Variants in AP1M2 observed in about 807,000 individuals in gnomAD.
AP1M2 encodes adaptor related protein complex 1 subunit mu 2.
Under a neutral mutation model 54.6 loss-of-function variants are expected in AP1M2, and 41 were observed. The ratio of observed to expected loss-of-function variants is 0.75; its 90% CI spans 0.59 to 0.97. The LOEUF (loss-of-function observed/expected upper bound fraction) is 0.97. Among genes scored for constraint, AP1M2 ranks in the 50% least tolerant of loss-of-function variants. The pLI, the probability that AP1M2 is intolerant of heterozygous loss-of-function variation, is 0.00. For synonymous variants in AP1M2, 219 were observed against 215.9 expected (o/e 1.01, Z -0.13); for missense variants, 507 against 561.2 (o/e 0.90, Z 0.98).
rs1241106278 is a variant in AP1M2, at chr19:10,581,286, A to C, written c.653T>G (p.Val218Gly). 6 of 1,613,564 alleles carry C rather than the reference A, an allele frequency of 3.7e-6. No individual in the cohort carries two copies. In the East Asian group the frequency reaches 1.1e-4, roughly 30 times the overall value. ...CTTACGGCCAGTGAGCTCGAAGAGC[A>C]CGCGGTCATTGAGGCCCAGCCGCAG... is the stretch of plus-strand genomic sequence containing the variant. ...PELRLGLNDR[V>G]LFELTGRSKN... Residue 218 changes from valine to glycine, a missense_variant, in exon 6 of 12, where the codon GTG (valine) becomes GGG (glycine). Physicochemically the swap from Val to Gly is moderately radical, Grantham distance 109 (BLOSUM62 -3). Transcript: ENST00000250244.
At chr19:10,578,364 C>T (rs1258838800) in intron 8 of AP1M2, among the ~76,000 whole-genome samples, 1 of 152,010 alleles carries the variant, frequency 6.6e-6, no homozygotes, top group Non-Finnish European at 1.5e-5. Flanking sequence ...AGCCTGTAAT[C>T]CCAGCTGCTC....
At chr19:10,581,939 C>T (rs1917477388) in intron 3 of AP1M2, 61 bp from the exon 4 acceptor site, 2 of 1,498,630 alleles carry the variant, frequency 1.3e-6, no homozygotes, top group African/African-American at 2.8e-5. Flanking sequence ...CATAGTAGCT[C>T]ATGCCTGTAA....
At chr19:10,581,924 T>C (rs746000333) in intron 3 of AP1M2, 46 bp from the exon 4 acceptor site, 15 of 1,524,012 alleles carry the variant, frequency 9.8e-6, no homozygotes, top group Non-Finnish European at 1.3e-5. Flanking sequence ...TGGCTATGGG[T>C]TGGGCATAGT....
chr19:10,572,959 G>T lies in AP1M2; in HGVS notation c.*107C>A. The T allele has an allele frequency of 8.2e-7, 1 of 1,217,372 alleles. No homozygotes were observed. The allele number at this position is 1,217,372 out of a possible 1,614,324, so 75.4% of individuals were successfully genotyped here. A position where few individuals can be genotyped will look rare whatever the true frequency, so the allele number is the denominator to read the frequency against. On this transcript the variant is annotated 3_prime_UTR_variant, in exon 12 of 12. Transcript: ENST00000250244. ...GGGAGCAAGAAACTGCCAAGTCCAG[G>T]ACCTGCCCTCACACAGACACACACA...
intron 9 of AP1M2, among the ~76,000 whole-genome samples, chr19:10,576,552 G>C (rs150716888): frequency 2.0e-5 from 3 of 151,484 alleles, no homozygotes; most frequent in Non-Finnish European, 4.4e-5. Context: ...GTGAGCCACC[G>C]TGCCCTGCCC....
At chr19:10,577,151 T>A in intron 9 of AP1M2, 47 bp downstream of exon 9, 1 of 1,561,554 alleles carries the variant, frequency 6.4e-7, no homozygotes, top group Non-Finnish European at 8.7e-7. Flanking sequence ...CCCACACTAC[T>A]CCAGTCCCCT....
chr19:10,573,657 T>G (rs1198432565), intron 11 of AP1M2, among the ~76,000 whole-genome samples: 1 of 140,268 alleles, frequency 7.1e-6, no homozygotes, highest in East Asian at 2.3e-4. Flanking sequence ...CTGCTTTTTT[T>G]TCCTTTTTTT....
intron 4 of AP1M2, 21 bp from the exon 5 acceptor site, chr19:10,581,655 A>T (rs1431431875): frequency 6.2e-7 from 1 of 1,613,438 alleles, no homozygotes; most frequent in Admixed American, 1.7e-5. Context: ...GGCGGCAGGG[A>T]CAAGCAGCTG....
chr19:10,585,407 A>G (rs1338010917), intron 1 of AP1M2, among the ~76,000 whole-genome samples: 3 of 152,138 alleles, frequency 2.0e-5, no homozygotes, highest in Admixed American at 1.3e-4. Context: ...CCATAATAGT[A>G]AACACTTCTG....
At position 10,574,430 on chromosome 19, in the gene AP1M2, G is replaced by T; in HGVS notation, c.1236C>A (p.Ile412=). 6.4e-7 allele frequency: 1 copy of T among 1,558,534 alleles called. No individual in the cohort carries two copies. Among genetic ancestry groups the T allele is most frequent in the East Asian group, 2.4e-5 (1 of 41,836 alleles). ...GYQALPWVRY[I]TQSGDYQLRT... Reference sequence around the variant, plus strand: ...GGGCTGCCTTACCGCCACTCTGGGTGATGTAGCGAACCCAGGGCAGGGCCT... The same window carrying T: ...GGGCTGCCTTACCGCCACTCTGGGTTATGTAGCGAACCCAGGGCAGGGCCT... The change falls in exon 11 of 12, where the codon ATC becomes ATA. Residue 412 remains isoleucine, a synonymous_variant. Coordinates refer to ENST00000250244, the MANE Select transcript of AP1M2 (RefSeq NM_005498.5).
chr19:10,573,288 G>A (rs1917117428), intron 11 of AP1M2, among the ~76,000 whole-genome samples, 200 bp from the exon 12 acceptor site: 1 of 152,018 alleles, frequency 6.6e-6, no homozygotes, highest in African/African-American at 2.4e-5. Context: ...GTATGATGGT[G>A]CACACCTGTA....
chr19:10,575,054 T>C, intron 9 of AP1M2, 25 bp from the exon 10 acceptor site: 1 of 1,458,392 alleles, frequency 6.9e-7, no homozygotes, highest in Non-Finnish European at 9.1e-7. Flanking sequence ...GGGCATCAGG[T>C]ACACGAGGGT....
intron 10 of AP1M2, 92 bp downstream of exon 10, chr19:10,574,812 G>A: frequency 6.9e-7 from 1 of 1,450,498 alleles, no homozygotes; most frequent in African/African-American, 1.4e-5. Flanking sequence ...GTTGACACAG[G>A]CCAGGGGACT....
In AP1M2 at chr19:10,583,903, G is replaced by A; in HGVS notation, c.199+11C>T. On this transcript the variant is annotated intron_variant, in intron 2 of 11. Coordinates refer to ENST00000250244, the MANE Select transcript of AP1M2 (RefSeq NM_005498.5). ...ACACCCACCTCCAGGGACACCACGT[G>A]GGGTGGATACAGTAGAGGTTGCTGT... is the stretch of plus-strand genomic sequence containing the variant. The A allele has an allele frequency of 6.3e-7, 1 of 1,590,542 alleles. No homozygotes were observed. Among genetic ancestry groups the A allele is most frequent in the South Asian group, 1.1e-5 (1 of 87,882 alleles).
rs201295124 is a variant in AP1M2 at position 10,574,496 on chromosome 19, G to C, written c.1174-4C>G. ...CAATGATCTTCATGTATCGGACCTG[G>C]AAGGGAATGAAAAGAGGTGGTCCAG... On this transcript the variant is annotated splice_region_variant and splice_polypyrimidine_tract_variant and intron_variant, in intron 10 of 11. Transcript: ENST00000250244. The C allele has an allele frequency of 3.3e-4, 518 of 1,560,318 alleles. No homozygotes were observed. The African/African-American group carries it at 6.3e-3, about 19-fold the overall frequency.
chr19:10,583,495 C>T, intron 3 of AP1M2, 111 bp downstream of exon 3: 1 of 818,930 alleles, frequency 1.2e-6, no homozygotes, highest in Non-Finnish European at 1.9e-6. Flanking sequence ...AAGGGAAGAC[C>T]CAGGGAGATC....
chr19:10,586,466 A>AT (rs1282349151), intron 1 of AP1M2, among the ~76,000 whole-genome samples: 3 of 151,204 alleles, frequency 2.0e-5, no homozygotes, highest in African/African-American at 7.3e-5. Flanking sequence ...AAAAAAAAAA[A>AT]AAAAAAAATT....
Position 10,581,374 on chromosome 19 carries a change from C to T in AP1M2, c.565G>A (p.Val189Ile), listed in dbSNP as rs368585156. 18 of 1,612,540 alleles carry T rather than the reference C, an allele frequency of 1.1e-5. No individual in the cohort carries two copies. Among genetic ancestry groups the T allele is most frequent in the Admixed American group, 1.7e-5 (1 of 59,930 alleles). The change falls in exon 6 of 12, where the codon GTC becomes ATC. Residue 189 changes from valine to isoleucine, a missense_variant. Val to Ile is a conservative substitution (Grantham distance 29, BLOSUM62 3). Transcript: ENST00000250244. ...VNLLVNANGS[V>I]LLSEIVGTIK... ...GTACCGACGATTTCGCTCAGAAGGACGCTGCCGTTGGCATTGACCTGAGGG... is the reference window on the plus strand; with the variant it reads ...GTACCGACGATTTCGCTCAGAAGGATGCTGCCGTTGGCATTGACCTGAGGG...
intron 2 of AP1M2, 84 bp from the exon 3 acceptor site, chr19:10,583,757 C>T: frequency 6.7e-7 from 1 of 1,502,966 alleles, no homozygotes; most frequent in Non-Finnish European, 9.1e-7. Flanking sequence ...CTGTCCCTTG[C>T]CACCACCCTC....
Sources: allele counts gnomAD v4.1 joint callset (sites outside exome capture counted in the v4.1 genomes callset), GRCh38; gene constraint gnomAD v4.1.1; transcripts MANE v1.5; gene names NCBI Gene and HGNC (gene_info 2026-07-23, HGNC 2026-07-21).